RPS6KC1: variants seen among roughly 807,000 people sequenced by gnomAD.
The protein encoded by RPS6KC1 is inactive ribosomal protein S6 kinase delta-1.
A neutral mutation model predicts 103.8 loss-of-function variants in RPS6KC1; 54 were observed. The ratio of observed to expected loss-of-function variants is 0.52; its 90% CI spans 0.42 to 0.65. The LOEUF is 0.65. Ranked by LOEUF, RPS6KC1 falls within the 30% of genes least tolerant of loss-of-function variation. RPS6KC1 has a pLI of 0.00. For missense variants in RPS6KC1, 1,151 were observed against 1,253.8 expected (o/e 0.92, Z 1.24); for synonymous variants, 439 against 438.7 (o/e 1.00, Z -0.01).
chr1:213,133,487 C>A (rs1336226193), intron 6 of RPS6KC1, among the ~76,000 whole-genome samples: 1 of 152,076 alleles, frequency 6.6e-6, no homozygotes, highest in Non-Finnish European at 1.5e-5. Context: ...CTAAGGACAC[C>A]AAAATTTAGA....
In RPS6KC1 at chr1:213,197,295, G is replaced by A. The variant is rs541811880; in HGVS notation, c.1044+20803G>A. ...TTTTTTGGTTCCATATGAATTTTAG[G>A]ACTCTTTTTTTCTAGTTCTGTGAAG... On this transcript the variant is annotated intron_variant, in intron 8 of 14. Coordinates refer to ENST00000366960, the MANE Select transcript of RPS6KC1 (RefSeq NM_012424.6). Among the ~76,000 whole-genome samples, 44 of 152,086 alleles carry A rather than the reference G, an allele frequency of 2.9e-4. 1 individual carries two copies. The South Asian group carries it at 4.0e-3, about 14-fold the overall frequency.
chr1:213,092,544 C>T (rs933731359), intron 3 of RPS6KC1, among the ~76,000 whole-genome samples: 31 of 151,936 alleles, frequency 2.0e-4, no homozygotes, highest in African/African-American at 7.0e-4. Context: ...TGGTGGCGGG[C>T]ACCTGAAGTC....
chr1:213,343,226 G>GA, the RPS6KC1 span, among the ~76,000 whole-genome samples: 2 of 150,012 alleles, frequency 1.3e-5, no homozygotes, highest in East Asian at 1.9e-4. Context: ...AGAGCAAAAA[G>GA]AAAAAAATAT....
At chr1:213,085,132 C>T (rs1039769459) in intron 3 of RPS6KC1, among the ~76,000 whole-genome samples, 11 of 152,206 alleles carry the variant, frequency 7.2e-5, no homozygotes, top group African/African-American at 2.7e-4. Flanking sequence ...GCTCTCTTTT[C>T]AGAGGAGAGA....
chr1:213,578,494 G>T, the RPS6KC1 span, among the ~76,000 whole-genome samples: 1 of 152,224 alleles, frequency 6.6e-6, no homozygotes, highest in South Asian at 2.1e-4. Flanking sequence ...CTCAACACCA[G>T]CCCATGACAG....
chr1:213,289,658 A>G, the RPS6KC1 span, among the ~76,000 whole-genome samples: 1 of 152,226 alleles, frequency 6.6e-6, no homozygotes, highest in East Asian at 1.9e-4. Flanking sequence ...TCATTTTGGC[A>G]GACTTGACCA....
At chr1:213,079,600 T>C (rs2079667026) in intron 3 of RPS6KC1, among the ~76,000 whole-genome samples, 1 of 151,986 alleles carries the variant, frequency 6.6e-6, no homozygotes, top group South Asian at 2.1e-4. Flanking sequence ...CTATTTTTTG[T>C]AGAAATGGGG....
the RPS6KC1 span, among the ~76,000 whole-genome samples, chr1:213,307,705 C>G: frequency 6.6e-6 from 1 of 152,176 alleles, no homozygotes; most frequent in South Asian, 2.1e-4. Flanking sequence ...TCAGCGGGGT[C>G]TCCCAAGGGG....
chr1:213,077,880 T>C, intron 3 of RPS6KC1, 64 bp downstream of exon 3: 1 of 869,708 alleles, frequency 1.1e-6, no homozygotes, highest in Non-Finnish European at 1.7e-6. Context: ...TACTGAACTC[T>C]AACATAACTA....
At chr1:213,403,835 C>A in the RPS6KC1 span, among the ~76,000 whole-genome samples, 1 of 151,678 alleles carries the variant, frequency 6.6e-6, no homozygotes, top group Non-Finnish European at 1.5e-5. Context: ...TAGAAATAAT[C>A]CATGTATGGG....
chr1:213,713,663 A>G, the RPS6KC1 span, among the ~76,000 whole-genome samples: 1 of 152,314 alleles, frequency 6.6e-6, no homozygotes, highest in East Asian at 1.9e-4. Flanking sequence ...AAGTTTTTCT[A>G]AAGTTTTCCC....
intron 12 of RPS6KC1, among the ~76,000 whole-genome samples, chr1:213,251,831 C>T (rs114791443): frequency 6.6e-6 from 1 of 152,274 alleles, no homozygotes; most frequent in Non-Finnish European, 1.5e-5. Flanking sequence ...GTGTCCCAGG[C>T]ACTGTGCCTA....
the RPS6KC1 span, among the ~76,000 whole-genome samples, chr1:213,634,228 C>T: frequency 2.0e-5 from 3 of 152,226 alleles, no homozygotes; most frequent in South Asian, 2.1e-4. Flanking sequence ...ATCACATGGA[C>T]CTAATAGCCA....
chr1:213,600,099 G>C, the RPS6KC1 span, among the ~76,000 whole-genome samples: 1 of 152,030 alleles, frequency 6.6e-6, no homozygotes, highest in Admixed American at 6.6e-5. Context: ...TTCTTGGCTC[G>C]CGCTTCCCTC....
At chr1:213,439,677 A>G in the RPS6KC1 span, among the ~76,000 whole-genome samples, 3 of 152,222 alleles carry the variant, frequency 2.0e-5, no homozygotes, top group Admixed American at 2.0e-4. Flanking sequence ...AAATGAGAAC[A>G]TGGGTATAAA....
At chr1:213,719,296 T>C in the RPS6KC1 span, among the ~76,000 whole-genome samples, 1 of 152,236 alleles carries the variant, frequency 6.6e-6, no homozygotes, top group Non-Finnish European at 1.5e-5. Flanking sequence ...TTTGACATCA[T>C]GTGAGGAACC....
At chr1:213,304,950 G>GGTCCT in the RPS6KC1 span, among the ~76,000 whole-genome samples, 4 of 152,132 alleles carry the variant, frequency 2.6e-5, no homozygotes, top group African/African-American at 9.7e-5. Flanking sequence ...ATTACATGGA[G>GGTCCT]GTCCTCTGTT....
At chr1:213,568,456 T>C in the RPS6KC1 span, among the ~76,000 whole-genome samples, 1 of 152,194 alleles carries the variant, frequency 6.6e-6, no homozygotes, top group Non-Finnish European at 1.5e-5. Flanking sequence ...CAAGGACATA[T>C]GGAATAAAGT....
chr1:213,421,495 C>T, the RPS6KC1 span, among the ~76,000 whole-genome samples: 2 of 152,178 alleles, frequency 1.3e-5, no homozygotes, highest in Admixed American at 1.3e-4. Context: ...CGGTTAGCCA[C>T]TTGTAAAATT....
Sources: allele counts gnomAD v4.1 joint callset (sites outside exome capture counted in the v4.1 genomes callset), GRCh38; gene constraint gnomAD v4.1.1; transcripts MANE v1.5; gene names NCBI Gene and HGNC (gene_info 2026-07-23, HGNC 2026-07-21).